The following TRAPPC10 variants were observed in gnomAD, a reference collection of about 807,000 sequenced individuals.
The protein encoded by TRAPPC10 is trafficking protein particle complex subunit 10.
TRAPPC10 carries 23 observed loss-of-function variants against 125.5 expected under a neutral mutation model. That is an observed-to-expected ratio of 0.18 (90% CI 0.13 to 0.26). The LOEUF (loss-of-function observed/expected upper bound fraction) is 0.26. Among genes scored for constraint, TRAPPC10 ranks in the 10% least tolerant of loss-of-function variants. The pLI is 1.00. For missense variants in TRAPPC10, 1,123 were observed against 1,308.4 expected, an observed-to-expected ratio of 0.86 and a Z score of 2.19; for synonymous variants, 509 against 518.0, an observed-to-expected ratio of 0.98 and a Z score of 0.24.
At chr21:44,046,938 G>A in intron 3 of TRAPPC10, 1 of 831,724 alleles carries the variant, frequency 1.2e-6, no homozygotes, top group Non-Finnish European at 2.1e-6. Flanking sequence ...CATTTCAGGT[G>A]TCGATGAATA....
intron 7 of TRAPPC10, among the ~76,000 whole-genome samples, chr21:44,069,441 G>A (rs2156428): frequency 0.33 from 50,053 of 152,052 alleles, 12,003 homozygotes; most frequent in African/African-American, 0.68. Context: ...GCAAACTGAA[G>A]CCATTATTAA....
rs764144165 is a variant in TRAPPC10 at position 44,087,832 on chromosome 21, C to T, written c.2673C>T (p.Leu891=). The T allele has an allele frequency of 6.8e-6, 11 of 1,614,080 alleles. No individual in the cohort carries two copies. Among genetic ancestry groups the T allele is most frequent in the Admixed American group, 3.3e-5 (2 of 59,994 alleles). Residue 891 remains leucine (L), a synonymous_variant, in exon 17 of 23, where the codon CTC becomes CTT. Transcript: ENST00000291574. The surrounding 1 kb of genome is among the most constrained non-coding windows in gnomAD (Gnocchi z 4.6). ...TCTCTTTACCTTCAGCCCCAGCACT[C>T]GGAGGGGAGAGTGACATGCTGGGGA... ...EVLSLPSAPA[L]GGESDMLGMA...
At chr21:44,047,046 A>G (rs2034875771) in intron 3 of TRAPPC10, 1 of 707,944 alleles carries the variant, frequency 1.4e-6, no homozygotes, top group African/African-American at 1.8e-5. Flanking sequence ...AGCCATTTCG[A>G]ATTCTGCTGA....
rs972075484 is a variant in TRAPPC10, at chr21:44,047,130, A to G, written c.286-5150A>G. On this transcript the variant is annotated intron_variant, in intron 3 of 22. Transcript: ENST00000291574. The stretch of plus-strand genomic sequence containing the variant: ...ATCCCACCACCTACTCCTTCGGCGC[A>G]CTGTGATTCAAACTGCTTGGGGTTT... 3 of 526,772 alleles carry G rather than the reference A, an allele frequency of 5.7e-6. No individual in the cohort carries two copies. The East Asian group carries it at 1.2e-4, about 21-fold the overall frequency. 32.6% of individuals were successfully genotyped at this position (526,772 alleles called of 1,614,324 possible).
intron 7 of TRAPPC10, among the ~76,000 whole-genome samples, chr21:44,073,515 G>A (rs1313572165): frequency 6.6e-6 from 1 of 152,178 alleles, no homozygotes; most frequent in Non-Finnish European, 1.5e-5. Flanking sequence ...TTGCTTTTCT[G>A]ATAGTGTTTT....
At chr21:44,061,115 T>A (rs1178805871) in intron 6 of TRAPPC10, among the ~76,000 whole-genome samples, 2 of 151,990 alleles carry the variant, frequency 1.3e-5, no homozygotes, top group African/African-American at 2.4e-5. Context: ...TTTATTTATT[T>A]ATTTTAATTT....
chr21:44,045,672 C>T lies in TRAPPC10; in HGVS notation c.286-6608C>T, dbSNP rs372071647. 9.1e-4 allele frequency among the ~76,000 whole-genome samples: 138 copies of T among 152,152 alleles called. 5 individuals are homozygous for T. The East Asian group carries it at 0.022, about 25-fold the overall frequency. On this transcript the variant is annotated intron_variant, in intron 3 of 22. Transcript: ENST00000291574. Reference sequence around the variant, plus strand: ...GTTCAAGCGATTCTCCTGCCTCAGCCTCCTGAGTAGCTGGGATTATAGGTG... The same window carrying T: ...GTTCAAGCGATTCTCCTGCCTCAGCTTCCTGAGTAGCTGGGATTATAGGTG...
At chr21:44,091,711 T>G (rs1484386978) in intron 18 of TRAPPC10, 1 of 419,756 alleles carries the variant, frequency 2.4e-6, no homozygotes, top group East Asian at 5.3e-5. Flanking sequence ...GTGCTGGGAT[T>G]ACAGGCGTGA....
intron 7 of TRAPPC10, 69 bp from the exon 8 acceptor site, chr21:44,074,255 C>T (rs1208791573): frequency 6.3e-7 from 1 of 1,593,352 alleles, no homozygotes; most frequent in East Asian, 2.2e-5. Context: ...CAAGCTAGAG[C>T]ATGTGGGTTT....
chr21:44,079,928 C>G, intron 12 of TRAPPC10, 87 bp from the exon 13 acceptor site: 1 of 1,255,890 alleles, frequency 8.0e-7, no homozygotes, highest in Non-Finnish European at 1.1e-6. Flanking sequence ...TTTGAAGCCT[C>G]TGTGAAGGCC....
At chr21:44,016,060 G>A (rs1466482021) in intron 1 of TRAPPC10, among the ~76,000 whole-genome samples, 1 of 152,218 alleles carries the variant, frequency 6.6e-6, no homozygotes, top group Non-Finnish European at 1.5e-5. Context: ...AATGTGCAGG[G>A]ATGGGAGCTG....
rs1220210825 is a variant in TRAPPC10, at chr21:44,032,076, T to C, written c.68-15T>C. ...CTAAAAATATGGTAACTGAATTTCT[T>C]TCTTCCCTTCATAGGTGCTGGAGAT... On this transcript the variant is annotated splice_polypyrimidine_tract_variant and intron_variant, in intron 1 of 22. Coordinates refer to ENST00000291574, the MANE Select transcript of TRAPPC10 (RefSeq NM_003274.5). The C allele has an allele frequency of 1.2e-6, 2 of 1,604,694 alleles. No individual in the cohort carries two copies. Among genetic ancestry groups the C allele is most frequent in the Non-Finnish European group, 1.7e-6 (2 of 1,175,160 alleles).
At position 44,087,768 on chromosome 21, in the gene TRAPPC10, C is replaced by T. The variant is rs777684775; in HGVS notation, c.2609C>T (p.Ala870Val). The change falls in exon 17 of 23, where the codon GCG becomes GTG. Residue 870 changes from alanine to valine, a missense_variant. Coordinates refer to ENST00000291574, the MANE Select transcript of TRAPPC10 (RefSeq NM_003274.5). The surrounding 1 kb of genome is among the most constrained non-coding windows in gnomAD (Gnocchi z 4.6). ...GTCACGAGCATCAGTCTGCCTGTTG[C>T]GCCTGCGTACCACGTGATCGAATTT... ...DKVTSISLPVAPAYHVIEFEL... is the reference protein window; with the variant it reads ...DKVTSISLPVVPAYHVIEFEL... 8 of 1,614,100 alleles carry T rather than the reference C, an allele frequency of 5.0e-6. No individual in the cohort carries two copies. Among genetic ancestry groups the T allele is most frequent in the East Asian group, 4.5e-5 (2 of 44,900 alleles).
intron 14 of TRAPPC10, among the ~76,000 whole-genome samples, chr21:44,083,575 T>G (rs1487996931): frequency 6.6e-6 from 1 of 152,232 alleles, no homozygotes; most frequent in East Asian, 1.9e-4. Context: ...TTGGATTCAG[T>G]TAGCTTTCCC....
At chr21:44,016,579 C>T (rs984839816) in intron 1 of TRAPPC10, among the ~76,000 whole-genome samples, 2 of 152,166 alleles carry the variant, frequency 1.3e-5, no homozygotes, top group Non-Finnish European at 2.9e-5. Context: ...GGAAAACAGG[C>T]AACAGAAATG....
chr21:44,016,179 A>C (rs2031819937), intron 1 of TRAPPC10, among the ~76,000 whole-genome samples: 1 of 152,248 alleles, frequency 6.6e-6, no homozygotes, highest in Non-Finnish European at 1.5e-5. Flanking sequence ...TGCCTGGCGT[A>C]ACTGAAACAA....
chr21:44,015,172 C>T lies in TRAPPC10; in HGVS notation c.67+2612C>T, dbSNP rs1333178415. 3.3e-5 allele frequency among the ~76,000 whole-genome samples: 5 copies of T among 152,186 alleles called. No homozygotes were observed. In the South Asian group the frequency reaches 1.0e-3, roughly 32 times the overall value. On this transcript the variant is annotated intron_variant, in intron 1 of 22. Transcript: ENST00000291574. ...GAAATGGTATTACCTCAGATCTGTT[C>T]ATTTTAAAATGAAAGTAGAGTTTAT... is the stretch of plus-strand genomic sequence containing the variant.
Position 44,063,492 on chromosome 21 carries a change from G to A in TRAPPC10, c.791-46G>A, listed in dbSNP as rs1247581237. 1.3e-6 allele frequency: 2 copies of A among 1,598,972 alleles called. No homozygotes were observed. Among genetic ancestry groups the A allele is most frequent in the South Asian group, 1.1e-5 (1 of 88,378 alleles). The stretch of plus-strand genomic sequence containing the variant: ...CAGCCTGAGCAGGAAGCTCAGGAAG[G>A]TGAAGTACCTGCAATCAGCACCTTT... On this transcript the variant is annotated intron_variant, in intron 6 of 22. Coordinates refer to ENST00000291574, the MANE Select transcript of TRAPPC10 (RefSeq NM_003274.5). This position sits in a 1 kb window ranked among gnomAD's most constrained non-coding sequence, Gnocchi z 4.4.
intron 13 of TRAPPC10, among the ~76,000 whole-genome samples, chr21:44,081,607 A>G (rs2037745798): frequency 6.6e-6 from 1 of 152,100 alleles, no homozygotes; most frequent in East Asian, 1.9e-4. Context: ...AACCACATCA[A>G]CCTGACCCTG....
Sources: allele counts gnomAD v4.1 joint callset (sites outside exome capture counted in the v4.1 genomes callset), GRCh38; gene constraint gnomAD v4.1.1; non-coding constraint Gnocchi (gnomAD v3.1); transcripts MANE v1.5; gene names NCBI Gene and HGNC (gene_info 2026-07-23, HGNC 2026-07-21).